The following FADS6 variants were observed in gnomAD, a reference collection of about 807,000 sequenced individuals.
The protein encoded by FADS6 is fatty acid desaturase 6, also known as fatty acid desaturase domain family, member 6.
Under a neutral mutation model 31.7 loss-of-function variants are expected in FADS6, and 28 were observed. That is an observed-to-expected ratio of 0.88 (90% CI 0.66 to 1.21). The LOEUF (loss-of-function observed/expected upper bound fraction) is 1.21, where lower values mean the gene tolerates loss of function less well. Among genes scored for constraint, FADS6 ranks in the 50% most tolerant of loss-of-function variants. The pLI, the probability that FADS6 is intolerant of heterozygous loss-of-function variation, is 0.00. For synonymous variants in FADS6, 191 were observed against 213.1 expected (o/e 0.90, Z 0.90); for missense variants, 494 against 504.2 (o/e 0.98, Z 0.19).
chr17:74,885,312 AAAT>A (rs35068899), intron 2 of FADS6, among the ~76,000 whole-genome samples: 1,949 of 141,602 alleles, frequency 0.014, 52 homozygotes, highest in African/African-American at 0.046. Flanking sequence ...CAAAAAAAAA[AAAT>A]AAATAAATAA....
At chr17:74,887,035 A>G (rs920367409) in intron 2 of FADS6, among the ~76,000 whole-genome samples, 11 of 148,750 alleles carry the variant, frequency 7.4e-5, no homozygotes, top group African/African-American at 2.7e-4. Flanking sequence ...TGCCAGTAGC[A>G]TGCACACGCA....
intron 2 of FADS6, among the ~76,000 whole-genome samples, chr17:74,887,521 C>T (rs965407641): frequency 3.3e-5 from 5 of 152,200 alleles, no homozygotes; most frequent in African/African-American, 9.7e-5. Context: ...TACCAGCTGG[C>T]GTGGCATTGC....
At chr17:74,893,259 A>C (rs966558916) in intron 1 of FADS6, 93 bp downstream of exon 1, 7 of 1,354,368 alleles carry the variant, frequency 5.2e-6, no homozygotes, top group Non-Finnish European at 6.8e-6. Flanking sequence ...CTGCACTCCC[A>C]CGGCTGCTGT....
rs557529795 is a variant in FADS6 at position 74,888,338 on chromosome 17, A to G, written c.411+4185T>C. Among the ~76,000 whole-genome samples the G allele has an allele frequency of 2.2e-4, 33 of 152,282 alleles. No individual in the cohort carries two copies. In the South Asian group the frequency reaches 6.8e-3, roughly 32 times the overall value. On this transcript the variant is annotated intron_variant, in intron 2 of 5. Coordinates refer to ENST00000612771, the MANE Select transcript of FADS6 (RefSeq NM_178128.6). ...AAAATAAAAAAGCTTTTACAAAAGT[A>G]TATTTTGTACTGCAAATCTGAGTTT...
Position 74,877,711 on chromosome 17 carries a change from A to AACAC in FADS6, c.*616_*619dup. On this transcript the variant is annotated 3_prime_UTR_variant, in exon 6 of 6. Coordinates refer to ENST00000612771, the MANE Select transcript of FADS6 (RefSeq NM_178128.6). ...TTCCCCTGGAGTTCCCTCCCGACAA[A>AACAC]ACACACTCACTTTTATCTTGCTGAT... 1 of 985,490 alleles carries AACAC rather than the reference A, an allele frequency of 1.0e-6. No individual in the cohort carries two copies. Among genetic ancestry groups the AACAC allele is most frequent in the Middle Eastern group, 5.2e-4 (1 of 1,916 alleles). The allele number at this position is 985,490 out of a possible 1,614,324, so 61.0% of individuals were successfully genotyped here.
At chr17:74,884,362 T>C (rs527459894) in intron 2 of FADS6, among the ~76,000 whole-genome samples, 1 of 152,346 alleles carries the variant, frequency 6.6e-6, no homozygotes, top group Admixed American at 6.5e-5. Context: ...TAATTCTGAA[T>C]TTCAGATAAA....
At chr17:74,880,711 G>T (rs1384650121) in intron 4 of FADS6, among the ~76,000 whole-genome samples, 1 of 152,058 alleles carries the variant, frequency 6.6e-6, no homozygotes, top group Non-Finnish European at 1.5e-5. Flanking sequence ...GTCGGGAGGG[G>T]ACCACTTACC....
At chr17:74,875,967 C>T (rs1349461236), downstream of FADS6, among the ~76,000 whole-genome samples, 2 of 152,212 alleles carry the variant, frequency 1.3e-5, no homozygotes, top group Non-Finnish European at 2.9e-5. Context: ...AGAAGCACCC[C>T]AGGCTAGCAA....
chr17:74,882,226 A>C (rs1406649861), intron 3 of FADS6, among the ~76,000 whole-genome samples: 1 of 152,130 alleles, frequency 6.6e-6, no homozygotes, highest in Non-Finnish European at 1.5e-5. Context: ...GTCAGCCACC[A>C]CACGCAGACC....
chr17:74,886,741 CT>C (rs2038627702), intron 2 of FADS6, among the ~76,000 whole-genome samples: 1 of 152,160 alleles, frequency 6.6e-6, no homozygotes, highest in Non-Finnish European at 1.5e-5. Flanking sequence ...CCCCTTTCCC[CT>C]CTCCAGGGTC....
At position 74,881,932 on chromosome 17, in the gene FADS6, T is replaced by C. The variant is rs183409887; in HGVS notation, c.592+598A>G. 3.5e-3 allele frequency among the ~76,000 whole-genome samples: 527 copies of C among 150,982 alleles called. 22 individuals carry two copies. The highest frequency in any genetic ancestry group is 0.033 in the Admixed American group (495 of 15,014). ...TGAAGTATTATTTGTGCAAGGCATC[T>C]GCAAAGCATTTTTTTTTTTTTTGAG... On this transcript the variant is annotated intron_variant, in intron 3 of 5. Transcript: ENST00000612771.
At chr17:74,893,123 C>CTCCCTCCTCCTCCCCCCCG (rs1157439791) in intron 1 of FADS6, among the ~76,000 whole-genome samples, 1 of 152,012 alleles carries the variant, frequency 6.6e-6, no homozygotes, top group African/African-American at 2.4e-5. Context: ...TCCTGCGCCC[C>CTCCCTCCTCCTCCCCCCCG]CTCCTAGGGT....
intron 2 of FADS6, among the ~76,000 whole-genome samples, chr17:74,885,796 A>G (rs2038615957): frequency 6.6e-6 from 1 of 152,092 alleles, no homozygotes; most frequent in South Asian, 2.1e-4. Flanking sequence ...CACAGTTAAA[A>G]CCCAAAACTG....
intron 2 of FADS6, among the ~76,000 whole-genome samples, chr17:74,885,318 AT>A (rs2038612362): frequency 4.6e-5 from 7 of 151,796 alleles, no homozygotes; most frequent in South Asian, 2.1e-4. Flanking sequence ...AAAAAAATAA[AT>A]AAATAAATAT....
At chr17:74,887,291 C>G (rs2038633514) in intron 2 of FADS6, among the ~76,000 whole-genome samples, 1 of 152,162 alleles carries the variant, frequency 6.6e-6, no homozygotes, top group African/African-American at 2.4e-5. Flanking sequence ...CGCTGTGTTG[C>G]CCAGGCTGGT....
intron 2 of FADS6, among the ~76,000 whole-genome samples, chr17:74,891,213 C>T (rs2683275): frequency 0.1 from 15,266 of 146,886 alleles, 1,273 homozygotes; most frequent in African/African-American, 0.23. Context: ...AATTTTTGTA[C>T]TTTTAGTAGA....
At position 74,879,563 on chromosome 17, in the gene FADS6, G is replaced by A. The variant is rs558921266; in HGVS notation, c.801C>T (p.Phe267=). 1 of 1,612,758 alleles carries A rather than the reference G, an allele frequency of 6.2e-7. No homozygotes were observed. The highest frequency in any genetic ancestry group is 1.3e-5 in the African/African-American group (1 of 74,998). The change falls in exon 5 of 6, where the codon TTC becomes TTT. Residue 267 remains phenylalanine, a synonymous_variant. Transcript: ENST00000612771. The part of the protein sequence containing the change: ...NIFQHIGLPM[F]SRDNKPRRIH... ...TCCGACGGGGCTTGTTGTCCCGGGA[G>A]AACATGGGCAGTCCGATGTGCTGTG... is the stretch of plus-strand genomic sequence containing the variant.
chr17:74,876,398 G>A (rs2038508604), downstream of FADS6, among the ~76,000 whole-genome samples: 1 of 152,080 alleles, frequency 6.6e-6, no homozygotes, highest in South Asian at 2.1e-4. Flanking sequence ...ATTTTTGATT[G>A]TCACAACTTG....
At chr17:74,886,238 CAAA>C (rs550950451) in intron 2 of FADS6, among the ~76,000 whole-genome samples, 2 of 42,136 alleles carry the variant, frequency 4.7e-5, no homozygotes, top group African/African-American at 1.7e-4. Context: ...GATTCCATCT[CAAA>C]AAAAAAAAAA....
Sources: allele counts gnomAD v4.1 joint callset (sites outside exome capture counted in the v4.1 genomes callset), GRCh38; gene constraint gnomAD v4.1.1; transcripts MANE v1.5; gene names NCBI Gene and HGNC (gene_info 2026-07-23, HGNC 2026-07-21).